MLYCD: variants seen among roughly 807,000 people sequenced by gnomAD.
MLYCD encodes malonyl-CoA decarboxylase, also known as malonyl-CoA decarboxylase, mitochondrial.
MLYCD carries 27 observed loss-of-function variants against 35.8 expected under a neutral mutation model. That is an observed-to-expected ratio of 0.75 (90% CI 0.56 to 1.04). The LOEUF is 1.04. Among genes scored for constraint, MLYCD ranks in the 50% least tolerant of loss-of-function variants. The pLI is 0.00. For synonymous variants in MLYCD, 403 were observed against 302.4 expected (o/e 1.33, Z -3.45); for missense variants, 917 against 665.1 (o/e 1.38, Z -4.17).
chr16:83,904,739 A>G (rs1906915701), intron 1 of MLYCD, among the ~76,000 whole-genome samples: 1 of 152,202 alleles, frequency 6.6e-6, no homozygotes, highest in African/African-American at 2.4e-5. Context: ...CCGTTTTCAA[A>G]CAGCTCCGTT....
In MLYCD at chr16:83,899,642, C is replaced by T. The variant is rs535837509; in HGVS notation, c.498C>T (p.Ala166=). 1.1e-5 allele frequency: 17 copies of T among 1,551,012 alleles called. No individual in the cohort carries two copies. In the East Asian group the frequency reaches 1.7e-4, roughly 15 times the overall value. ...QLRADLLEAQ[A]LKLVEGPDVR... ...GGGCCGACCTGCTGGAGGCGCAGGC[C>T]CTCAAGCTGGTGGAGGGGCCGGACG... Residue 166 remains alanine, a synonymous_variant, in exon 1 of 5, where the codon GCC becomes GCT. Coordinates refer to ENST00000262430, the MANE Select transcript of MLYCD (RefSeq NM_012213.3).
rs866785328 is a variant in MLYCD, at chr16:83,916,913, G to C, written c.*1424G>C. On this transcript the variant is annotated 3_prime_UTR_variant, in exon 5 of 5. Coordinates refer to ENST00000262430, the MANE Select transcript of MLYCD (RefSeq NM_012213.3). ...AGTGCACGTCTGTGTGCGTGTGCAC[G>C]AGCGTCTCTGTGTGGATCAGTGCAC... 1.4e-5 allele frequency: 2 copies of C among 140,780 alleles called. No individual in the cohort carries two copies. Among genetic ancestry groups the C allele is most frequent in the African/African-American group, 5.5e-5 (2 of 36,262 alleles). 8.7% of individuals were successfully genotyped at this position (140,780 alleles called of 1,614,324 possible). A position where few individuals can be genotyped will look rare whatever the true frequency, so the allele number is the denominator to read the frequency against.
At position 83,922,093 on chromosome 16, in the gene MLYCD, A is replaced by G. The variant is rs1476945630; in HGVS notation, c.*6604A>G. The stretch of plus-strand genomic sequence containing the variant: ...TGGGCTCACCGTAGCTGCACAATAA[A>G]TTGTCATGAGTGCTTTCCACTGTGT... On this transcript the variant is annotated 3_prime_UTR_variant, in exon 5 of 5. Coordinates refer to ENST00000262430, the MANE Select transcript of MLYCD (RefSeq NM_012213.3). 1 of 152,118 alleles carries G rather than the reference A, an allele frequency of 6.6e-6. No homozygotes were observed. Among genetic ancestry groups the G allele is most frequent in the Non-Finnish European group, 1.5e-5 (1 of 68,046 alleles). The allele number at this position is 152,118 out of a possible 1,614,324, so 9.4% of individuals were successfully genotyped here. A position where few individuals can be genotyped will look rare whatever the true frequency, so the allele number is the denominator to read the frequency against.
At chr16:83,911,454 G>T (rs1294610994) in intron 3 of MLYCD, among the ~76,000 whole-genome samples, 1 of 152,206 alleles carries the variant, frequency 6.6e-6, no homozygotes, top group Admixed American at 6.5e-5. Flanking sequence ...CAAATGAAAA[G>T]GTAGCCCCCT....
intron 1 of MLYCD, among the ~76,000 whole-genome samples, chr16:83,902,381 TAAATCAG>T (rs1371960380): frequency 6.6e-6 from 1 of 151,742 alleles, no homozygotes; most frequent in Non-Finnish European, 1.5e-5. Context: ...CCCTGTCGCT[TAAATCAG>T]TCTTAGAATA....
At position 83,912,357 on chromosome 16, in the gene MLYCD, A is replaced by G. The variant is rs780229010; in HGVS notation, c.938A>G (p.Lys313Arg). The change falls in exon 4 of 5, where the codon AAG becomes AGG. Residue 313 changes from lysine to arginine, a missense_variant. Coordinates refer to ENST00000262430, the MANE Select transcript of MLYCD (RefSeq NM_012213.3). ...LGTFLIKRVV[K>R]ELQREFPHLG... is the part of the protein sequence containing the mutation. ...ACATTCCTCATAAAGCGAGTCGTCAAGGAGTTGCAGGTAAGCGACACGCAG... is the reference window on the plus strand; with the variant it reads ...ACATTCCTCATAAAGCGAGTCGTCAGGGAGTTGCAGGTAAGCGACACGCAG... The G allele has an allele frequency of 1.9e-5, 31 of 1,614,054 alleles. No homozygotes were observed. The highest frequency in any genetic ancestry group is 1.1e-4 in the East Asian group (5 of 44,882).
rs1316020602 is a variant in MLYCD, at chr16:83,919,692, CAG to C, written c.*4205_*4206del. 1 of 148,894 alleles carries C rather than the reference CAG, an allele frequency of 6.7e-6. No homozygotes were observed. Among genetic ancestry groups the C allele is most frequent in the Non-Finnish European group, 1.5e-5 (1 of 68,018 alleles). The allele number at this position is 148,894 out of a possible 1,614,324, so 9.2% of individuals were successfully genotyped here. The stretch of plus-strand genomic sequence containing the variant: ...GGTTCACAGGAGAACACACAGTGCA[CAG>C]AACACACGGGGCACAGGAGAACACA... On this transcript the variant is annotated 3_prime_UTR_variant, in exon 5 of 5. Transcript: ENST00000262430.
intron 4 of MLYCD, chr16:83,913,647 G>T (rs372284934): frequency 6.6e-6 from 1 of 152,094 alleles, no homozygotes; most frequent in African/African-American, 2.4e-5. Context: ...GTGAAACCCC[G>T]TCTCTACTAA....
rs1331033426 is a variant in MLYCD at position 83,921,622 on chromosome 16, AT to A, written c.*6134del. On this transcript the variant is annotated 3_prime_UTR_variant, in exon 5 of 5. Transcript: ENST00000262430. ...AGGAGAAAGAGCCTGTCGTCCCTCTATGATACTGCACTGAACCAATATTCCC... is the reference window on the plus strand; with the variant it reads ...AGGAGAAAGAGCCTGTCGTCCCTCTAGATACTGCACTGAACCAATATTCCC... 1 of 152,172 alleles carries A rather than the reference AT, an allele frequency of 6.6e-6. No individual in the cohort carries two copies. Among genetic ancestry groups the A allele is most frequent in the Non-Finnish European group, 1.5e-5 (1 of 68,048 alleles). 9.4% of individuals were successfully genotyped at this position (152,172 alleles called of 1,614,324 possible).
rs1157095061 is a variant in MLYCD, at chr16:83,908,273, C to G, written c.789C>G (p.Ser263Arg). Reference protein sequence around the residue: ...LHVALTGDISSNIQAIVKEHP... With the variant: ...LHVALTGDISRNIQAIVKEHP... The stretch of plus-strand genomic sequence containing the variant: ...TGGCACTGACTGGTGACATCTCCAG[C>G]AACATCCAGGTACCTGCGATGGTCA... Residue 263 changes from serine to arginine, a missense_variant, in exon 3 of 5, where the codon AGC (serine) becomes AGG (arginine). Transcript: ENST00000262430. 6.2e-7 allele frequency: 1 copy of G among 1,614,012 alleles called. No individual in the cohort carries two copies. The highest frequency in any genetic ancestry group is 8.5e-7 in the Non-Finnish European group (1 of 1,180,032).
intron 3 of MLYCD, among the ~76,000 whole-genome samples, chr16:83,911,127 C>A (rs975778967): frequency 6.6e-6 from 1 of 152,148 alleles, no homozygotes; most frequent in Non-Finnish European, 1.5e-5. Context: ...CAGGCACCTG[C>A]CACCATGCCC....
chr16:83,906,863 T>A (rs998267686), intron 1 of MLYCD, 124 bp from the exon 2 acceptor site: 2 of 852,102 alleles, frequency 2.3e-6, no homozygotes, highest in Admixed American at 1.7e-5. Context: ...GTTTGGAGAG[T>A]TGTCTTGCAC....
rs918074983 is a variant in MLYCD, at chr16:83,907,861, A to G, written c.642-265A>G. Reference sequence around the variant, plus strand: ...AGGTTTCACGTTAAAATCTGCATGAATCCTTCCCCGGAGCCTCACAAACTC... The same window carrying G: ...AGGTTTCACGTTAAAATCTGCATGAGTCCTTCCCCGGAGCCTCACAAACTC... On this transcript the variant is annotated intron_variant, in intron 2 of 4. Transcript: ENST00000262430. 1.6e-4 allele frequency among the ~76,000 whole-genome samples: 24 copies of G among 152,180 alleles called. 1 individual carries two copies. Among genetic ancestry groups the G allele is most frequent in the Admixed American group, 1.4e-3 (22 of 15,272 alleles).
chr16:83,912,535 A>G lies in MLYCD; in HGVS notation c.948+168A>G, dbSNP rs545724481. On this transcript the variant is annotated intron_variant, in intron 4 of 4. Transcript: ENST00000262430. The stretch of plus-strand genomic sequence containing the variant: ...GACCCCTTGGCAACTCCTAGGAGCC[A>G]TGAGTCTCCCAGAGAGATGAGAATG... The G allele has an allele frequency of 4.5e-4, 377 of 841,544 alleles. 1 individual carries two copies. In the African/African-American group the frequency reaches 5.7e-3, roughly 13 times the overall value. The allele number at this position is 841,544 out of a possible 1,614,324, so 52.1% of individuals were successfully genotyped here.
Position 83,899,117 on chromosome 16 carries a change from T to C in MLYCD, c.-28T>C, listed in dbSNP as rs1353162906. ...GGAAGCGCGGCAGCGGCGGCGGCGCTCCCCCTCGGCAGCTGTTGTGGGGCA... is the reference window on the plus strand; with the variant it reads ...GGAAGCGCGGCAGCGGCGGCGGCGCCCCCCCTCGGCAGCTGTTGTGGGGCA... On this transcript the variant is annotated 5_prime_UTR_variant, in exon 1 of 5. Transcript: ENST00000262430. 4 of 1,097,546 alleles carry C rather than the reference T, an allele frequency of 3.6e-6. No individual in the cohort carries two copies. Among genetic ancestry groups the C allele is most frequent in the Non-Finnish European group, 3.3e-6 (3 of 904,502 alleles). 68.0% of individuals were successfully genotyped at this position (1,097,546 alleles called of 1,614,324 possible).
At position 83,908,168 on chromosome 16, in the gene MLYCD, G is replaced by A. The variant is rs575743754; in HGVS notation, c.684G>A (p.Lys228=). Residue 228 remains lysine, a synonymous_variant, in exon 3 of 5, where the codon AAG becomes AAA. Coordinates refer to ENST00000262430, the MANE Select transcript of MLYCD (RefSeq NM_012213.3). ...CTGTAAAAAACTGGATGGACATGAA[G>A]CGCCGCGTTGGGCCCTACAGAAGGT... ...VHPVKNWMDM[K]RRVGPYRRCY... 1.8e-5 allele frequency: 29 copies of A among 1,614,230 alleles called. No individual in the cohort carries two copies. In the East Asian group the frequency reaches 6.0e-4, roughly 33 times the overall value.
rs1398449240 is a variant in MLYCD at position 83,920,562 on chromosome 16, G to GT, written c.*5074dup. 6.6e-6 allele frequency: 1 copy of GT among 152,116 alleles called. No individual in the cohort carries two copies. The highest frequency in any genetic ancestry group is 2.4e-5 in the African/African-American group (1 of 41,360). 9.4% of individuals were successfully genotyped at this position (152,116 alleles called of 1,614,324 possible). A position where few individuals can be genotyped will look rare whatever the true frequency, so the allele number is the denominator to read the frequency against. On this transcript the variant is annotated 3_prime_UTR_variant, in exon 5 of 5. Coordinates refer to ENST00000262430, the MANE Select transcript of MLYCD (RefSeq NM_012213.3). The stretch of plus-strand genomic sequence containing the variant: ...CCTCGAATCTGCAAGGTCTCTCCGG[G>GT]TGGCTGTGTTCTGCCAGGGCCTCCC...
rs1907451106 is a variant in MLYCD at position 83,917,275 on chromosome 16, G to A, written c.*1786G>A. On this transcript the variant is annotated 3_prime_UTR_variant, in exon 5 of 5. Coordinates refer to ENST00000262430, the MANE Select transcript of MLYCD (RefSeq NM_012213.3). ...TGCCCGAGCGTCTCTGTGTGGATCAGTGCACGTCTGTGTGCGTGTGCACAA... is the reference window on the plus strand; with the variant it reads ...TGCCCGAGCGTCTCTGTGTGGATCAATGCACGTCTGTGTGCGTGTGCACAA... The A allele has an allele frequency of 6.6e-6, 1 of 151,582 alleles. No homozygotes were observed. Among genetic ancestry groups the A allele is most frequent in the Non-Finnish European group, 1.5e-5 (1 of 68,080 alleles). The allele number at this position is 151,582 out of a possible 1,614,324, so 9.4% of individuals were successfully genotyped here.
intron 1 of MLYCD, among the ~76,000 whole-genome samples, chr16:83,900,732 A>G (rs1906756706): frequency 6.6e-6 from 1 of 152,036 alleles, no homozygotes; most frequent in South Asian, 2.1e-4. Flanking sequence ...GTGTTAAAAA[A>G]AAATTGAACA....
Sources: allele counts gnomAD v4.1 joint callset (sites outside exome capture counted in the v4.1 genomes callset), GRCh38; gene constraint gnomAD v4.1.1; transcripts MANE v1.5; gene names NCBI Gene and HGNC (gene_info 2026-07-23, HGNC 2026-07-21).